The following CATIP variants were observed in gnomAD, a reference collection of about 807,000 sequenced individuals.
CATIP encodes ciliogenesis-associated TTC17-interacting protein.
A neutral mutation model predicts 42.5 loss-of-function variants in CATIP; 40 were observed. That is an observed-to-expected ratio of 0.94 (90% CI 0.73 to 1.22). The LOEUF is 1.22. CATIP is among the 50% of genes most tolerant of loss of function. The pLI, the probability that CATIP is intolerant of heterozygous loss-of-function variation, is 0.00. For synonymous variants in CATIP, 222 were observed against 200.2 expected (o/e 1.11, Z -0.92); for missense variants, 489 against 496.0 (o/e 0.99, Z 0.13).
chr2:218,357,381 GCAGGAGTCTTCACCTGTCCGTGC>G, intron 2 of CATIP, 130 bp from the exon 3 acceptor site: 1 of 736,400 alleles, frequency 1.4e-6, no homozygotes, highest in Non-Finnish European at 2.2e-6. Flanking sequence ...GGGACATGGG[GCAGGAGTCTTCACCTGTCCGTGC>G]CAGTGAGGAA....
chr2:218,367,908 C>G lies in CATIP; in HGVS notation c.1108C>G (p.Pro370Ala). Reference protein sequence around the residue: ...SSPALGSSHRPNPFRSLEPEG... With the variant: ...SSPALGSSHRANPFRSLEPEG... ...ACCGGCCTTGGGCTCCTCCCACCGG[C>G]CCAACCCTTTCCGCTCCCTGGAGCC... Residue 370 changes from proline (P) to alanine (A), a missense_variant, in exon 10 of 10, where the codon CCC becomes GCC. Physicochemically the swap from Pro to Ala is conservative, Grantham distance 27 (BLOSUM62 -1). Coordinates refer to ENST00000289388, the MANE Select transcript of CATIP (RefSeq NM_198559.2). The G allele has an allele frequency of 6.2e-7, 1 of 1,611,696 alleles. No homozygotes were observed. Among genetic ancestry groups the G allele is most frequent in the Non-Finnish European group, 8.5e-7 (1 of 1,179,684 alleles).
chr2:218,357,119 C>A lies in CATIP; in HGVS notation c.50C>A (p.Pro17His). ...GGCTCCAGAGCTAAGGACCACCAGC[C>A]CTCGGGTCCGGAGTGTCTGCCACTC... is the stretch of plus-strand genomic sequence containing the variant. Reference protein sequence around the residue: ...STGSRAKDHQPSGPECLPLPE... With the variant: ...STGSRAKDHQHSGPECLPLPE... The change falls in exon 2 of 10, where the codon CCC becomes CAC. Residue 17 changes from proline to histidine, a missense_variant. Transcript: ENST00000289388. The A allele has an allele frequency of 6.2e-7, 1 of 1,613,920 alleles. No homozygotes were observed. The highest frequency in any genetic ancestry group is 8.5e-7 in the Non-Finnish European group (1 of 1,179,900).
intron 5 of CATIP, among the ~76,000 whole-genome samples, chr2:218,361,646 T>C (rs1695237636): frequency 1.3e-5 from 2 of 152,180 alleles, no homozygotes; most frequent in Non-Finnish European, 2.9e-5. Flanking sequence ...CTGTCCTTTG[T>C]CCACAAGGAA....
In CATIP at chr2:218,361,956, C is replaced by T. The variant is rs931608861; in HGVS notation, c.463-779C>T. 3.3e-5 allele frequency among the ~76,000 whole-genome samples: 5 copies of T among 151,546 alleles called. No individual in the cohort carries two copies. In the East Asian group the frequency reaches 9.7e-4, roughly 29 times the overall value. ...TCAGAAGCAAGAGGCAGGAGGATAG[C>T]TTGAGCCTAGGAGTTCGAGACTTGC... On this transcript the variant is annotated intron_variant, in intron 5 of 9. Transcript: ENST00000289388.
chr2:218,359,552 G>T (rs527694936), intron 4 of CATIP, among the ~76,000 whole-genome samples: 2 of 152,118 alleles, frequency 1.3e-5, no homozygotes, highest in South Asian at 2.1e-4. Context: ...TCTGGGAAAG[G>T]CCAGCCCACC....
In CATIP at chr2:218,367,960, C is replaced by T. The variant is rs1175574515; in HGVS notation, c.1160C>T (p.Ala387Val). ...EPEGDARSGA[A>V] is the part of the protein sequence containing the mutation. The stretch of plus-strand genomic sequence containing the variant: ...GAGGGAGACGCCCGCTCGGGGGCGG[C>T]CTAAGCGGGGCCCAGGCCCGGACAG... The change falls in exon 10 of 10, where the codon GCC (alanine) becomes GTC (valine). Residue 387 changes from alanine to valine, a missense_variant. Transcript: ENST00000289388. 6 of 1,576,308 alleles carry T rather than the reference C, an allele frequency of 3.8e-6. No homozygotes were observed. In the African/African-American group the frequency reaches 8.1e-5, roughly 21 times the overall value.
rs1199357541 is a variant in CATIP at position 218,356,975 on chromosome 2, G to A, written c.25+66G>A. On this transcript the variant is annotated intron_variant, in intron 1 of 9. Transcript: ENST00000289388. The stretch of plus-strand genomic sequence containing the variant: ...TCTTTCTTCCCAATCCACCCTCGGG[G>A]TAGTCTTAGAGGATTCTGTTCTTGG... 5 of 1,602,728 alleles carry A rather than the reference G, an allele frequency of 3.1e-6. No individual in the cohort carries two copies. In the African/African-American group the frequency reaches 6.7e-5, roughly 21 times the overall value.
intron 2 of CATIP, 98 bp downstream of exon 2, chr2:218,357,285 C>CTCTCTCTT: frequency 7.9e-6 from 7 of 883,128 alleles, no homozygotes; most frequent in Middle Eastern, 5.5e-4. Context: ...CTCTCTCTCT[C>CTCTCTCTT]TCTCTTCCTT....
chr2:218,366,901 C>A, intron 7 of CATIP, 123 bp from the exon 8 acceptor site: 1 of 749,726 alleles, frequency 1.3e-6, no homozygotes, highest in Non-Finnish European at 2.4e-6. Flanking sequence ...TGCATGTAAA[C>A]GTAATGACCT....
chr2:218,359,033 T>C (rs1695143070), intron 4 of CATIP, among the ~76,000 whole-genome samples: 1 of 151,630 alleles, frequency 6.6e-6, no homozygotes, highest in Non-Finnish European at 1.5e-5. Flanking sequence ...GGAGAAACCC[T>C]GTCTCTACTA....
Position 218,360,727 on chromosome 2 carries a change from G to C in CATIP, c.462+68G>C, listed in dbSNP as rs116779205. On this transcript the variant is annotated intron_variant, in intron 5 of 9. Transcript: ENST00000289388. ...ACCCAGAATATCTGAGACAGGTCCA[G>C]ATCAATTTAGAGAGTTTATTTTGCC... The C allele has an allele frequency of 5.7e-3, 6,930 of 1,217,824 alleles. 26 individuals carry two copies. Among genetic ancestry groups the C allele is most frequent in the Non-Finnish European group, 7.5e-3 (6,239 of 836,934 alleles). 75.4% of individuals were successfully genotyped at this position (1,217,824 alleles called of 1,614,324 possible). A position where few individuals can be genotyped will look rare whatever the true frequency, so the allele number is the denominator to read the frequency against.
chr2:218,358,752 T>C (rs889502199), intron 4 of CATIP, among the ~76,000 whole-genome samples: 1 of 151,506 alleles, frequency 6.6e-6, no homozygotes, highest in Non-Finnish European at 1.5e-5. Context: ...GGTGTGGTAA[T>C]GTGTGTCTGT....
Position 218,360,610 on chromosome 2 carries a change from T to C in CATIP, c.413T>C (p.Leu138Pro). ...CCCATGGAACGGAAGATGAGTTTGCTGAAGCAGGATGATCAGCTGGCTGTG... is the reference window on the plus strand; with the variant it reads ...CCCATGGAACGGAAGATGAGTTTGCCGAAGCAGGATGATCAGCTGGCTGTG... ...ILPMERKMSL[L>P]KQDDQLAVTR... is the part of the protein sequence containing the mutation. Residue 138 changes from leucine to proline, a missense_variant, in exon 5 of 10, where the codon CTG becomes CCG. Leu to Pro is a moderately conservative substitution (Grantham distance 98). Transcript: ENST00000289388. 1 of 1,613,944 alleles carries C rather than the reference T, an allele frequency of 6.2e-7. No individual in the cohort carries two copies. The highest frequency in any genetic ancestry group is 8.5e-7 in the Non-Finnish European group (1 of 1,179,988).
chr2:218,357,658 G>A lies in CATIP; in HGVS notation c.243G>A (p.Met81Ile), dbSNP rs1203494014. The change falls in exon 3 of 10, where the codon ATG becomes ATA. Residue 81 changes from methionine to isoleucine, a missense_variant. Physicochemically the swap from Met to Ile is conservative, Grantham distance 10 (BLOSUM62 1). Coordinates refer to ENST00000289388, the MANE Select transcript of CATIP (RefSeq NM_198559.2). ...QRGKYQEKLG[M>I]LTYCLFVHAS... ...GGAAATACCAGGAAAAACTCGGCATGCTGACATACTGCCTCTTCGTGCATG... is the reference window on the plus strand; with the variant it reads ...GGAAATACCAGGAAAAACTCGGCATACTGACATACTGCCTCTTCGTGCATG... 4 of 1,614,118 alleles carry A rather than the reference G, an allele frequency of 2.5e-6. No homozygotes were observed. In the Middle Eastern group the frequency reaches 5.0e-4, roughly 200 times the overall value.
At chr2:218,358,840 T>A (rs1237572037) in intron 4 of CATIP, among the ~76,000 whole-genome samples, 1 of 142,214 alleles carries the variant, frequency 7.0e-6, no homozygotes, top group African/African-American at 2.6e-5. Flanking sequence ...GCAATGTGCG[T>A]GCCACTGTAC....
At chr2:218,356,968 C>G in intron 1 of CATIP, 59 bp downstream of exon 1, 1 of 1,604,970 alleles carries the variant, frequency 6.2e-7, no homozygotes. Flanking sequence ...CCCAATCCAC[C>G]CTCGGGGTAG....
At chr2:218,357,259 G>GTCTCTCTCTCTCTCTCTCTCTT in intron 2 of CATIP, 72 bp downstream of exon 2, 1 of 605,428 alleles carries the variant, frequency 1.7e-6, no homozygotes, top group Non-Finnish European at 2.8e-6. Flanking sequence ...AGAAAGTCCA[G>GTCTCTCTCTCTCTCTCTCTCTT]TCTCTCTCTC....
At chr2:218,357,474 G>A in intron 2 of CATIP, 60 bp from the exon 3 acceptor site, 1 of 1,432,992 alleles carries the variant, frequency 7.0e-7, no homozygotes, top group Non-Finnish European at 9.7e-7. Context: ...TGGGGTCAGA[G>A]GATTGGATTG....
chr2:218,363,355 A>G lies in CATIP; in HGVS notation c.630+453A>G, dbSNP rs555355522. The stretch of plus-strand genomic sequence containing the variant: ...AAAAAAATCAGCGGGGCGTGGTGGC[A>G]GGCGCCTGTAGTCCCAGCTACTCAG... On this transcript the variant is annotated intron_variant, in intron 6 of 9. Coordinates refer to ENST00000289388, the MANE Select transcript of CATIP (RefSeq NM_198559.2). Among the ~76,000 whole-genome samples, 206 of 151,184 alleles carry G rather than the reference A, an allele frequency of 1.4e-3. 1 individual carries two copies. The highest frequency in any genetic ancestry group is 1.4e-3 in the Non-Finnish European group (95 of 67,784).
Sources: allele counts gnomAD v4.1 joint callset (sites outside exome capture counted in the v4.1 genomes callset), GRCh38; gene constraint gnomAD v4.1.1; transcripts MANE v1.5; gene names NCBI Gene and HGNC (gene_info 2026-07-23, HGNC 2026-07-21).